The following DPH6 variants were observed in gnomAD, a reference collection of about 807,000 sequenced individuals.
DPH6 encodes diphthamine biosynthesis 6.
DPH6 carries 33 observed loss-of-function variants against 38.2 expected under a neutral mutation model. The observed-to-expected ratio is 0.86, with a 90% CI of 0.65 to 1.15. The LOEUF (loss-of-function observed/expected upper bound fraction) is 1.15. DPH6 is among the 50% of genes most tolerant of loss of function. DPH6 has a pLI of 0.00. For synonymous variants in DPH6, 108 were observed against 103.0 expected, an observed-to-expected ratio of 1.05 and a Z score of -0.30; for missense variants, 325 against 320.0, an observed-to-expected ratio of 1.02 and a Z score of -0.12.
chr15:35,486,080 G>A (rs1326303901), intron 3 of DPH6, among the ~76,000 whole-genome samples: 1 of 152,178 alleles, frequency 6.6e-6, no homozygotes, highest in African/African-American at 2.4e-5. Context: ...AGGTTTAATT[G>A]ACTCACAGTT....
the DPH6 span, among the ~76,000 whole-genome samples, chr15:35,173,565 G>A: frequency 6.8e-6 from 1 of 146,788 alleles, no homozygotes; most frequent in African/African-American, 2.5e-5. Context: ...TTTTTTTCAA[G>A]CTCCTGCATG....
chr15:35,328,259 C>G (rs1316797964), downstream of DPH6, among the ~76,000 whole-genome samples: 3 of 152,124 alleles, frequency 2.0e-5, no homozygotes, highest in Admixed American at 2.0e-4. Context: ...CCCTGACAGG[C>G]CCCGTTTTTC....
intron 5 of DPH6, among the ~76,000 whole-genome samples, chr15:35,424,181 T>A (rs1248908278): frequency 2.0e-5 from 3 of 151,644 alleles, no homozygotes; most frequent in East Asian, 3.8e-4. Flanking sequence ...ATTAATTATT[T>A]CAATCCAAGA....
intron 3 of DPH6, among the ~76,000 whole-genome samples, chr15:35,462,506 C>T (rs1312277814): frequency 6.6e-6 from 1 of 152,198 alleles, no homozygotes; most frequent in Non-Finnish European, 1.5e-5. Context: ...AACACCTATG[C>T]TTGTTTCCAC....
chr15:35,248,405 T>C (rs2051649998), intron 3 of DPH6, among the ~76,000 whole-genome samples: 1 of 152,224 alleles, frequency 6.6e-6, no homozygotes, highest in Non-Finnish European at 1.5e-5. Flanking sequence ...CATTCCAGTG[T>C]GGGTCCTGCC....
At chr15:35,334,579 CTG>C (rs912196195) in intron 3 of DPH6, among the ~76,000 whole-genome samples, 3 of 152,062 alleles carry the variant, frequency 2.0e-5, no homozygotes, top group African/African-American at 7.2e-5. Context: ...CAATAGGCCC[CTG>C]TGTGTGTTGT....
the DPH6 span, among the ~76,000 whole-genome samples, chr15:35,198,025 A>G: frequency 6.6e-6 from 1 of 152,200 alleles, no homozygotes; most frequent in Non-Finnish European, 1.5e-5. Context: ...CATATTTTAT[A>G]TAAAAAAAAG....
intron 3 of DPH6, among the ~76,000 whole-genome samples, chr15:35,525,111 T>C (rs1000932022): frequency 2.0e-5 from 3 of 152,172 alleles, no homozygotes; most frequent in African/African-American, 7.2e-5. Flanking sequence ...ACAGGGAGAA[T>C]ATATTACAAA....
At chr15:35,452,296 G>A (rs2053945802) in intron 4 of DPH6, among the ~76,000 whole-genome samples, 1 of 152,122 alleles carries the variant, frequency 6.6e-6, no homozygotes, top group South Asian at 2.1e-4. Context: ...ACAATGCCTG[G>A]ATAAAACAGG....
the DPH6 span, among the ~76,000 whole-genome samples, chr15:35,157,233 T>G: frequency 2.0e-5 from 3 of 152,122 alleles, no homozygotes; most frequent in African/African-American, 7.2e-5. Context: ...CCTTTCAAAT[T>G]AATGAAGAAA....
intron 5 of DPH6, among the ~76,000 whole-genome samples, chr15:35,414,130 T>C (rs1273047389): frequency 6.6e-6 from 1 of 151,762 alleles, no homozygotes. Flanking sequence ...TTACAATGTT[T>C]ATGCTCACTA....
chr15:35,486,888 T>C (rs1021965660), intron 3 of DPH6, among the ~76,000 whole-genome samples: 3 of 152,090 alleles, frequency 2.0e-5, no homozygotes, highest in African/African-American at 7.2e-5. Context: ...ACTTACAAGA[T>C]ACAACGGGGG....
At chr15:35,169,193 A>G in the DPH6 span, among the ~76,000 whole-genome samples, 280 of 152,282 alleles carry the variant, frequency 1.8e-3, 1 homozygote, top group South Asian at 6.6e-3. Flanking sequence ...AATCAATATC[A>G]TATTCATATC....
chr15:35,444,708 G>A (rs1034752670), intron 5 of DPH6, among the ~76,000 whole-genome samples: 9 of 152,166 alleles, frequency 5.9e-5, no homozygotes, highest in African/African-American at 2.2e-4. Flanking sequence ...AATACTCTAT[G>A]AGTCCAGTCA....
intron 3 of DPH6, among the ~76,000 whole-genome samples, chr15:35,517,845 T>C (rs892745563): frequency 4.6e-5 from 7 of 151,994 alleles, no homozygotes; most frequent in Admixed American, 3.3e-4. Flanking sequence ...AACCAATCAT[T>C]GTGGTATATA....
At chr15:35,237,598 G>C in intron 3 of DPH6, 1 of 1,594,244 alleles carries the variant, frequency 6.3e-7, no homozygotes, top group Non-Finnish European at 8.6e-7. Flanking sequence ...CGAACCTCAC[G>C]CATCTAAATT....
intron 6 of DPH6, chr15:35,401,426 G>A (rs1162927697): frequency 2.6e-6 from 2 of 772,878 alleles, no homozygotes; most frequent in African/African-American, 1.7e-5. Context: ...AGCGGCCCTG[G>A]TTATTCTGGA....
At chr15:35,350,729 T>C (rs1462260748) in intron 3 of DPH6, among the ~76,000 whole-genome samples, 1 of 152,204 alleles carries the variant, frequency 6.6e-6, no homozygotes, top group East Asian at 1.9e-4. Flanking sequence ...TCCACATATT[T>C]AGGAATTTTC....
intron 5 of DPH6, among the ~76,000 whole-genome samples, chr15:35,436,804 G>A (rs1166501549): frequency 6.8e-6 from 1 of 146,186 alleles, no homozygotes; most frequent in East Asian, 2.0e-4. Flanking sequence ...TTTTATGCAA[G>A]AGGCTTTTTT....
Sources: gnomAD v4.1 joint callset for allele counts (sites outside exome capture counted in the v4.1 genomes callset) on GRCh38, gnomAD v4.1.1 for gene constraint, MANE v1.5 for transcripts, NCBI Gene and HGNC (gene_info 2026-07-23, HGNC 2026-07-21) for gene names.